Variants in FNBP1L observed in about 807,000 individuals in gnomAD.
The protein encoded by FNBP1L is formin binding protein 1 like.
A neutral mutation model predicts 91.2 loss-of-function variants in FNBP1L; 36 were observed. The ratio of observed to expected loss-of-function variants is 0.39; its 90% CI spans 0.30 to 0.52. The LOEUF (loss-of-function observed/expected upper bound fraction) is 0.52. Ranked by LOEUF, FNBP1L falls within the 20% of genes least tolerant of loss-of-function variation. The pLI, the probability that FNBP1L is intolerant of heterozygous loss-of-function variation, is 0.66. For missense variants in FNBP1L, 571 were observed against 732.1 expected (o/e 0.78, Z 2.54); for synonymous variants, 242 against 237.0 (o/e 1.02, Z -0.19).
rs1021162207 is a variant in FNBP1L, at chr1:93,554,303, G to A, written c.*1887G>A. The stretch of plus-strand genomic sequence containing the variant: ...AGCCTGAAGTGCTTATGGTTTTTTG[G>A]CTAACAGCCACAGAGGGCAAAGTTT... On this transcript the variant is annotated 3_prime_UTR_variant, in exon 17 of 17. Coordinates refer to ENST00000271234, the MANE Select transcript of FNBP1L (RefSeq NM_001164473.3). The A allele has an allele frequency of 6.6e-6, 1 of 152,630 alleles. No homozygotes were observed. Among genetic ancestry groups the A allele is most frequent in the Non-Finnish European group, 1.5e-5 (1 of 68,036 alleles). 9.5% of individuals were successfully genotyped at this position (152,630 alleles called of 1,614,324 possible). A position where few individuals can be genotyped will look rare whatever the true frequency, so the allele number is the denominator to read the frequency against.
chr1:93,501,820 A>G (rs1352961443), intron 2 of FNBP1L, among the ~76,000 whole-genome samples: 1 of 152,242 alleles, frequency 6.6e-6, no homozygotes, highest in Non-Finnish European at 1.5e-5. Context: ...GGCAGAGAAT[A>G]TAACAGTGTT....
intron 2 of FNBP1L, among the ~76,000 whole-genome samples, chr1:93,516,919 T>C (rs1352897775): frequency 6.6e-6 from 1 of 152,102 alleles, no homozygotes; most frequent in Non-Finnish European, 1.5e-5. Flanking sequence ...ATTGCTAAAT[T>C]CCATGGATAT....
At chr1:93,516,987 C>G (rs909566036) in intron 2 of FNBP1L, among the ~76,000 whole-genome samples, 1 of 151,590 alleles carries the variant, frequency 6.6e-6, no homozygotes, top group Non-Finnish European at 1.5e-5. Flanking sequence ...CTTAGAACAA[C>G]TTCTTCTTCA....
chr1:93,493,597 C>T (rs955208710), intron 1 of FNBP1L, among the ~76,000 whole-genome samples: 41 of 152,090 alleles, frequency 2.7e-4, no homozygotes, highest in African/African-American at 8.7e-4. Flanking sequence ...GTAAGTACCT[C>T]GTGTAGGTGG....
At chr1:93,507,156 C>T (rs11279496) in intron 2 of FNBP1L, among the ~76,000 whole-genome samples, 1 of 146,494 alleles carries the variant, frequency 6.8e-6, no homozygotes, top group African/African-American at 2.5e-5. Flanking sequence ...CTCTCTTTCT[C>T]TCCGTCCCTC....
chr1:93,476,882 C>T (rs539869690), intron 1 of FNBP1L, among the ~76,000 whole-genome samples: 98 of 152,210 alleles, frequency 6.4e-4, no homozygotes, highest in Non-Finnish European at 1.2e-3. Context: ...GGACACTTAC[C>T]ATATTAGTTC....
rs372656799 is a variant in FNBP1L at position 93,534,826 on chromosome 1, A to G, written c.908A>G (p.Lys303Arg). ...TISDGTISAS[K>R]QESGKMDAKT... is the part of the protein sequence containing the mutation. ...TCTGATGGGACTATCAGTGCATCCA[A>G]ACAGGAGAGTGGGAAGATGGATGCC... Residue 303 changes from lysine (K) to arginine (R), a missense_variant, in exon 9 of 17, where the codon AAA (lysine) becomes AGA (arginine). Around this residue, in one of 5 missense-constraint regions of FNBP1L, gnomAD observed 150 missense variants for 155.9 expected, o/e 0.96. Transcript: ENST00000271234. 2 of 1,578,044 alleles carry G rather than the reference A, an allele frequency of 1.3e-6. No individual in the cohort carries two copies. Among genetic ancestry groups the G allele is most frequent in the East Asian group, 2.3e-5 (1 of 43,364 alleles).
At chr1:93,501,725 T>C (rs1311739995) in intron 2 of FNBP1L, among the ~76,000 whole-genome samples, 1 of 152,078 alleles carries the variant, frequency 6.6e-6, no homozygotes, top group Non-Finnish European at 1.5e-5. Context: ...CCCAAGAGAA[T>C]CACTGTATTA....
chr1:93,450,733 G>A (rs942789952), intron 1 of FNBP1L, among the ~76,000 whole-genome samples: 17 of 152,254 alleles, frequency 1.1e-4, no homozygotes, highest in African/African-American at 3.8e-4. Flanking sequence ...TCACATTACT[G>A]TCCCAAAGAG....
chr1:93,512,896 A>G (rs898174695), intron 2 of FNBP1L, among the ~76,000 whole-genome samples: 2 of 152,080 alleles, frequency 1.3e-5, no homozygotes, highest in African/African-American at 4.8e-5. Flanking sequence ...TTCAAAAGCT[A>G]GCAGAAGGCA....
chr1:93,487,695 A>G (rs1669954117), intron 1 of FNBP1L, among the ~76,000 whole-genome samples: 2 of 152,204 alleles, frequency 1.3e-5, no homozygotes, highest in African/African-American at 4.8e-5. Flanking sequence ...GATTTTCATC[A>G]CTGTAGTGAT....
intron 2 of FNBP1L, among the ~76,000 whole-genome samples, chr1:93,507,099 ACACACACACTCT>A (rs1222809493): frequency 6.0e-3 from 395 of 66,154 alleles, no homozygotes; most frequent in African/African-American, 0.012. Context: ...ACACACACAC[ACACACACACTCT>A]CTCTCTCTCT....
rs1672479283 is a variant in FNBP1L at position 93,553,369 on chromosome 1, C to T, written c.*953C>T. On this transcript the variant is annotated 3_prime_UTR_variant, in exon 17 of 17. Transcript: ENST00000271234. Reference sequence around the variant, plus strand: ...CCACAAAGGGCTTTATGTGTCAGCTCAGTGCGACCTGCTTTAACTCTGCAG... The same window carrying T: ...CCACAAAGGGCTTTATGTGTCAGCTTAGTGCGACCTGCTTTAACTCTGCAG... 6.5e-6 allele frequency: 1 copy of T among 152,702 alleles called. No individual in the cohort carries two copies. Among genetic ancestry groups the T allele is most frequent in the African/African-American group, 2.4e-5 (1 of 41,476 alleles). The allele number at this position is 152,702 out of a possible 1,614,324, so 9.5% of individuals were successfully genotyped here. A position where few individuals can be genotyped will look rare whatever the true frequency, so the allele number is the denominator to read the frequency against.
At chr1:93,471,552 C>T (rs966901486) in intron 1 of FNBP1L, among the ~76,000 whole-genome samples, 6 of 151,990 alleles carry the variant, frequency 3.9e-5, no homozygotes, top group African/African-American at 1.4e-4. Context: ...ATTAGCTGGG[C>T]GTGGTGGTGT....
Position 93,541,364 on chromosome 1 carries a change from T to C in FNBP1L, c.1164+308T>C, listed in dbSNP as rs904606059. Among the ~76,000 whole-genome samples the C allele has an allele frequency of 2.0e-5, 3 of 152,200 alleles. No individual in the cohort carries two copies. In the South Asian group the frequency reaches 6.2e-4, roughly 32 times the overall value. ...ATTACATGGTAGAGCCACAGTTTGTTATGCAGAAGGAAAATTTAGCAAATA... is the reference window on the plus strand; with the variant it reads ...ATTACATGGTAGAGCCACAGTTTGTCATGCAGAAGGAAAATTTAGCAAATA... On this transcript the variant is annotated intron_variant, in intron 11 of 16. Coordinates refer to ENST00000271234, the MANE Select transcript of FNBP1L (RefSeq NM_001164473.3).
chr1:93,481,893 C>T (rs1349371877), intron 1 of FNBP1L, among the ~76,000 whole-genome samples: 2 of 152,182 alleles, frequency 1.3e-5, no homozygotes, highest in Non-Finnish European at 1.5e-5. Flanking sequence ...GGCACAGTGG[C>T]TCACACCTGT....
chr1:93,455,227 C>T (rs992319396), intron 1 of FNBP1L, among the ~76,000 whole-genome samples: 5 of 152,206 alleles, frequency 3.3e-5, no homozygotes, highest in African/African-American at 1.2e-4. Context: ...CCCACCTGGC[C>T]TGTTTATTTT....
intron 8 of FNBP1L, 32 bp downstream of exon 8, chr1:93,533,100 CTGTT>C (rs750564377): frequency 1.3e-6 from 2 of 1,599,598 alleles, no homozygotes. Flanking sequence ...TTGAATGCAT[CTGTT>C]TGGTTTAGGT....
intron 1 of FNBP1L, among the ~76,000 whole-genome samples, chr1:93,487,883 C>G (rs972422873): frequency 2.6e-5 from 4 of 152,194 alleles, no homozygotes; most frequent in African/African-American, 9.7e-5. Flanking sequence ...GTATCTTCAG[C>G]AGGACCACTA....
Sources: gnomAD v4.1 joint callset for allele counts (sites outside exome capture counted in the v4.1 genomes callset) on GRCh38, gnomAD v4.1.1 for gene constraint, gnomAD v4.1.1 regional missense constraint, MANE v1.5 for transcripts, NCBI Gene and HGNC (gene_info 2026-07-23, HGNC 2026-07-21) for gene names.